RBFOX1: variants seen among roughly 807,000 people sequenced by gnomAD.
The protein encoded by RBFOX1 is RNA binding fox-1 homolog 1, also known as RNA binding protein fox-1 homolog 1.
Under a neutral mutation model 57.7 loss-of-function variants are expected in RBFOX1, and 8 were observed. The ratio of observed to expected loss-of-function variants is 0.14; its 90% CI spans 0.08 to 0.25. RBFOX1 has a LOEUF of 0.25. Ranked by LOEUF, RBFOX1 falls within the 10% of genes least tolerant of loss-of-function variation. The probability of loss-of-function intolerance (pLI) is 1.00; values close to 1 mark genes in which losing one functional copy is unlikely to be tolerated. For missense variants in RBFOX1, 611 were observed against 548.5 expected, an observed-to-expected ratio of 1.11 and a Z score of -1.14; for synonymous variants, 326 against 222.4, an observed-to-expected ratio of 1.47 and a Z score of -4.15.
chr16:6,658,919 TGTTTTTTG>T (rs61612834), intron 3 of RBFOX1, among the ~76,000 whole-genome samples: 30,171 of 142,582 alleles, frequency 0.21, 3,235 homozygotes, highest in Non-Finnish European at 0.23. Flanking sequence ...TTTGTTTTTT[TGTTTTTTG>T]GTTTTTTTGT....
intron 1 of RBFOX1, among the ~76,000 whole-genome samples, chr16:6,311,079 A>C (rs896881228): frequency 6.6e-6 from 1 of 151,812 alleles, no homozygotes; most frequent in South Asian, 2.1e-4. Flanking sequence ...GGCAAATCAC[A>C]AGGTCAGGAG....
In RBFOX1 at chr16:6,483,608, G is replaced by C. The variant is rs904098092; in HGVS notation, c.-64+166551G>C. 6.3e-5 allele frequency: 96 copies of C among 1,525,944 alleles called. No individual in the cohort carries two copies. In the Admixed American group the frequency reaches 1.9e-3, roughly 30 times the overall value. The allele number at this position is 1,525,944 out of a possible 1,614,324, so 94.5% of individuals were successfully genotyped here. Reference sequence around the variant, plus strand: ...AAGGAGAGAAAGAGGGAGAGAGGGAGGGAGGGAAGGGAGAGACCAGGCAGC... The same window carrying C: ...AAGGAGAGAAAGAGGGAGAGAGGGACGGAGGGAAGGGAGAGACCAGGCAGC... On this transcript the variant is annotated intron_variant, in intron 2 of 15. Transcript: ENST00000550418.
chr16:6,641,580 C>G (rs549027832), intron 2 of RBFOX1, among the ~76,000 whole-genome samples: 381 of 151,892 alleles, frequency 2.5e-3, no homozygotes, highest in Non-Finnish European at 4.1e-3. Flanking sequence ...ACTAGAAATA[C>G]AAAAGTTAGC....
At chr16:6,414,941 C>T (rs2093579273) in intron 2 of RBFOX1, among the ~76,000 whole-genome samples, 1 of 151,942 alleles carries the variant, frequency 6.6e-6, no homozygotes, top group Non-Finnish European at 1.5e-5. Flanking sequence ...GTCCCAATAT[C>T]AATACTGTTG....
chr16:5,423,609 C>T (rs1335407669), intron 1 of RBFOX1, among the ~76,000 whole-genome samples: 1 of 152,184 alleles, frequency 6.6e-6, no homozygotes, highest in African/African-American at 2.4e-5. Flanking sequence ...TGCTGCCTGT[C>T]TGTGAGCAGG....
intron 4 of RBFOX1, among the ~76,000 whole-genome samples, chr16:7,182,361 T>C (rs2082892943): frequency 6.6e-6 from 1 of 152,214 alleles, no homozygotes; most frequent in Non-Finnish European, 1.5e-5. Flanking sequence ...CCATTCTTCC[T>C]GAAGCCCCCT....
chr16:5,356,523 T>C (rs573038995), intron 1 of RBFOX1, among the ~76,000 whole-genome samples: 1 of 152,324 alleles, frequency 6.6e-6, no homozygotes, highest in South Asian at 2.1e-4. Context: ...GGGGAAAGGA[T>C]AGACTGGATT....
chr16:7,070,116 G>C (rs1179022691), intron 4 of RBFOX1, among the ~76,000 whole-genome samples: 3 of 152,154 alleles, frequency 2.0e-5, no homozygotes, highest in Non-Finnish European at 4.4e-5. Flanking sequence ...GAATAGGTTT[G>C]CAAGCAACTG....
chr16:5,276,953 G>T (rs574177916), intron 1 of RBFOX1, among the ~76,000 whole-genome samples: 44 of 152,272 alleles, frequency 2.9e-4, no homozygotes, highest in African/African-American at 7.0e-4. Context: ...TATCTACCCA[G>T]AGAAAAGGAA....
intron 4 of RBFOX1, among the ~76,000 whole-genome samples, chr16:7,344,159 C>G (rs1180422370): frequency 3.0e-5 from 3 of 98,384 alleles, no homozygotes; most frequent in Non-Finnish European, 5.8e-5. Flanking sequence ...GCAGTTTTCT[C>G]TTCGGTAAAA....
rs146418419 is a variant in RBFOX1, at chr16:6,458,647, C to T, written c.-64+141590C>T. 5.2e-3 allele frequency among the ~76,000 whole-genome samples: 785 copies of T among 152,254 alleles called. 25 individuals are homozygous for T. Among genetic ancestry groups the T allele is most frequent in the Admixed American group, 0.046 (706 of 15,294 alleles). ...GATCAAACTCTTCCTGACCATGTGG[C>T]GATATATGCAGAGGCCCCTCAAACC... On this transcript the variant is annotated intron_variant, in intron 2 of 15. Coordinates refer to ENST00000550418, the MANE Select transcript of RBFOX1 (RefSeq NM_018723.4).
intron 3 of RBFOX1, among the ~76,000 whole-genome samples, chr16:6,878,209 C>T (rs1184680157): frequency 1.3e-5 from 2 of 152,154 alleles, no homozygotes; most frequent in African/African-American, 2.4e-5. Flanking sequence ...ACCATGCAGG[C>T]TCATCAACAA....
At chr16:5,439,824 C>G (rs990026291) in intron 1 of RBFOX1, among the ~76,000 whole-genome samples, 2 of 151,742 alleles carry the variant, frequency 1.3e-5, no homozygotes, top group Non-Finnish European at 2.9e-5. Context: ...GAAGGGGAAG[C>G]AAACATGTCC....
At chr16:6,968,589 A>G (rs1001855280) in intron 3 of RBFOX1, among the ~76,000 whole-genome samples, 1 of 152,062 alleles carries the variant, frequency 6.6e-6, no homozygotes, top group African/African-American at 2.4e-5. Flanking sequence ...GAAGGTGTAG[A>G]TGATGGATTC....
At chr16:6,705,940 C>T (rs1342406343) in intron 3 of RBFOX1, among the ~76,000 whole-genome samples, 1 of 152,084 alleles carries the variant, frequency 6.6e-6, no homozygotes, top group Non-Finnish European at 1.5e-5. Flanking sequence ...AGCACTTGAG[C>T]CTGGGAGGTG....
At chr16:5,763,987 G>C (rs543417260) in intron 3 of RBFOX1, among the ~76,000 whole-genome samples, 1 of 152,216 alleles carries the variant, frequency 6.6e-6, no homozygotes, top group East Asian at 1.9e-4. Context: ...TAGAACACAT[G>C]CACCTCAAGG....
At chr16:5,639,732 G>C (rs2048800262) in intron 3 of RBFOX1, among the ~76,000 whole-genome samples, 1 of 152,166 alleles carries the variant, frequency 6.6e-6, no homozygotes, top group Admixed American at 6.5e-5. Context: ...CTCGGCATTT[G>C]GGCGGAACAA....
chr16:6,133,683 T>C lies in RBFOX1; in HGVS notation c.-127+113691T>C, dbSNP rs1482881201. Among the ~76,000 whole-genome samples, 3 of 152,188 alleles carry C rather than the reference T, an allele frequency of 2.0e-5. No homozygotes were observed. In the East Asian group the frequency reaches 5.8e-4, roughly 29 times the overall value. ...AGGCCCAAGTCTTTAATGTGCCACA[T>C]AGGACGCCATCTCTGCATCCTCACC... On this transcript the variant is annotated intron_variant, in intron 1 of 15. Coordinates refer to ENST00000550418, the MANE Select transcript of RBFOX1 (RefSeq NM_018723.4).
intron 4 of RBFOX1, among the ~76,000 whole-genome samples, chr16:7,321,891 CAG>C (rs1004644125): frequency 2.6e-5 from 4 of 152,180 alleles, no homozygotes; most frequent in Non-Finnish European, 5.9e-5. Flanking sequence ...CATGACATCG[CAG>C]AGAGACCATC....
Sources: allele counts gnomAD v4.1 joint callset (sites outside exome capture counted in the v4.1 genomes callset), GRCh38; gene constraint gnomAD v4.1.1; transcripts MANE v1.5; gene names NCBI Gene and HGNC (gene_info 2026-07-23, HGNC 2026-07-21).